The following LUZP2 variants were observed in gnomAD, a reference collection of about 807,000 sequenced individuals.
LUZP2 encodes leucine zipper protein 2.
In LUZP2, 52 loss-of-function variants were observed where a neutral mutation model predicts 51.6. The observed-to-expected ratio is 1.01, with a 90% CI of 0.81 to 1.27. LUZP2 has a LOEUF of 1.27. Ranked by LOEUF, LUZP2 falls within the 50% of genes most tolerant of loss-of-function variation. The probability of loss-of-function intolerance (pLI) is 0.00; values close to 1 mark genes in which losing one functional copy is unlikely to be tolerated. For missense variants in LUZP2, 436 were observed against 395.4 expected, an observed-to-expected ratio of 1.10 and a Z score of -0.87; for synonymous variants, 154 against 137.3, an observed-to-expected ratio of 1.12 and a Z score of -0.85.
At chr11:24,675,649 G>A (rs909391604) in intron 1 of LUZP2, among the ~76,000 whole-genome samples, 1 of 151,952 alleles carries the variant, frequency 6.6e-6, no homozygotes, top group Admixed American at 6.6e-5. Context: ...ATACTCTAGT[G>A]AACATCAGTG....
At chr11:24,559,426 A>T (rs1851966568) in intron 1 of LUZP2, among the ~76,000 whole-genome samples, 1 of 152,200 alleles carries the variant, frequency 6.6e-6, no homozygotes, top group South Asian at 2.1e-4. Context: ...ACAACTGTAG[A>T]TCTAGGGAGT....
intron 1 of LUZP2, among the ~76,000 whole-genome samples, chr11:24,669,513 G>A (rs12576065): frequency 0.19 from 28,206 of 151,930 alleles, 2,705 homozygotes; most frequent in East Asian, 0.3. Flanking sequence ...TAAACCATTA[G>A]AGGAAACTGC....
intron 5 of LUZP2, among the ~76,000 whole-genome samples, chr11:24,900,310 T>G (rs1003682367): frequency 3.3e-5 from 5 of 152,176 alleles, no homozygotes; most frequent in Admixed American, 6.5e-5. Context: ...GGGTTTTTAT[T>G]AAATATCTTA....
chr11:24,655,015 C>T (rs1229285308), intron 1 of LUZP2, among the ~76,000 whole-genome samples: 3 of 151,866 alleles, frequency 2.0e-5, no homozygotes, highest in Admixed American at 1.3e-4. Flanking sequence ...AAATCTAGGC[C>T]GTACATAATC....
At chr11:24,915,516 A>C (rs539793859) in intron 7 of LUZP2, among the ~76,000 whole-genome samples, 112 of 152,292 alleles carry the variant, frequency 7.4e-4, no homozygotes, top group African/African-American at 2.5e-3. Flanking sequence ...TAGGTTATGC[A>C]TCCATGCAAA....
intron 9 of LUZP2, among the ~76,000 whole-genome samples, chr11:25,000,005 G>A (rs554191019): frequency 2.0e-4 from 24 of 117,308 alleles, no homozygotes; most frequent in African/African-American, 4.9e-4. Context: ...ATTTGGCCCC[G>A]CCCATATCCT....
intron 10 of LUZP2, among the ~76,000 whole-genome samples, chr11:25,050,943 T>C (rs1858491647): frequency 6.6e-6 from 1 of 152,180 alleles, no homozygotes. Context: ...TGGAATTTTA[T>C]TTTTTTGAAC....
In LUZP2 at chr11:24,790,679, T is replaced by C. The variant is rs535970293; in HGVS notation, c.396+27371T>C. 8.8e-4 allele frequency among the ~76,000 whole-genome samples: 134 copies of C among 152,176 alleles called. No homozygotes were observed. In the East Asian group the frequency reaches 9.5e-3, roughly 11 times the overall value. Reference sequence around the variant, plus strand: ...ACCACGCCCAGCTAATTTTTGTATTTTTAGTAGAGTCGGGGTTTCACCGTG... The same window carrying C: ...ACCACGCCCAGCTAATTTTTGTATTCTTAGTAGAGTCGGGGTTTCACCGTG... On this transcript the variant is annotated intron_variant, in intron 5 of 11. Coordinates refer to ENST00000336930, the MANE Select transcript of LUZP2 (RefSeq NM_001009909.4).
At chr11:24,677,023 C>T (rs1856580312) in intron 1 of LUZP2, among the ~76,000 whole-genome samples, 1 of 152,056 alleles carries the variant, frequency 6.6e-6, no homozygotes, top group Non-Finnish European at 1.5e-5. Context: ...TAAATAATAA[C>T]ATTAAAAAAT....
intron 9 of LUZP2, among the ~76,000 whole-genome samples, chr11:24,990,446 T>G (rs1401605078): frequency 1.3e-5 from 2 of 152,082 alleles, no homozygotes; most frequent in Non-Finnish European, 2.9e-5. Flanking sequence ...CATAATCTTG[T>G]CTCACTGATG....
intron 1 of LUZP2, among the ~76,000 whole-genome samples, chr11:24,699,480 T>C (rs1036786089): frequency 6.6e-5 from 10 of 152,012 alleles, no homozygotes; most frequent in African/African-American, 2.4e-4. Flanking sequence ...GGTAGAAAAA[T>C]GAATATATCA....
At chr11:24,853,085 A>G (rs537834105) in intron 5 of LUZP2, among the ~76,000 whole-genome samples, 1 of 152,224 alleles carries the variant, frequency 6.6e-6, no homozygotes, top group African/African-American at 2.4e-5. Flanking sequence ...TAAGGTTGAT[A>G]TTGTTATGTG....
intron 5 of LUZP2, among the ~76,000 whole-genome samples, chr11:24,829,372 T>C (rs887656785): frequency 6.6e-6 from 1 of 152,104 alleles, no homozygotes; most frequent in African/African-American, 2.4e-5. Flanking sequence ...TCCCCCACAG[T>C]GCACACACAC....
At chr11:24,984,377 T>C (rs1311071501) in intron 9 of LUZP2, among the ~76,000 whole-genome samples, 1 of 151,044 alleles carries the variant, frequency 6.6e-6, no homozygotes, top group African/African-American at 2.4e-5. Context: ...TGTTTTTATG[T>C]GTAACTAGTC....
At chr11:24,932,724 C>T (rs918562842) in intron 7 of LUZP2, among the ~76,000 whole-genome samples, 1 of 152,178 alleles carries the variant, frequency 6.6e-6, no homozygotes, top group African/African-American at 2.4e-5. Context: ...AGGCTACTGG[C>T]CTCCCCACTG....
chr11:24,711,639 G>C (rs1322329423), intron 1 of LUZP2, among the ~76,000 whole-genome samples: 1 of 151,942 alleles, frequency 6.6e-6, no homozygotes, highest in East Asian at 1.9e-4. Flanking sequence ...TCCCTTTTCA[G>C]TTACTATTTA....
In LUZP2 at chr11:24,732,420, C is replaced by T. The variant is rs555669076; in HGVS notation, c.251+232C>T. On this transcript the variant is annotated intron_variant, in intron 3 of 11. Transcript: ENST00000336930. ...CTCTTTGGTGATGGTGGTGCTGATG[C>T]TTTTTGTCTGCAAATAACAATTTGA... Among the ~76,000 whole-genome samples the T allele has an allele frequency of 3.0e-4, 46 of 151,746 alleles. No homozygotes were observed. In the South Asian group the frequency reaches 8.5e-3, roughly 28 times the overall value.
intron 1 of LUZP2, among the ~76,000 whole-genome samples, chr11:24,498,732 ATTC>A (rs1207342250): frequency 1.3e-5 from 2 of 152,220 alleles, no homozygotes; most frequent in East Asian, 1.9e-4. Context: ...CATCACAGTT[ATTC>A]TTTAAATTCT....
chr11:24,692,801 G>C (rs926638649), intron 1 of LUZP2, among the ~76,000 whole-genome samples: 1 of 151,894 alleles, frequency 6.6e-6, no homozygotes, highest in African/African-American at 2.4e-5. Context: ...TAATTTAGGA[G>C]AATATTAAAT....
Sources: gnomAD v4.1 joint callset for allele counts (sites outside exome capture counted in the v4.1 genomes callset) on GRCh38, gnomAD v4.1.1 for gene constraint, MANE v1.5 for transcripts, NCBI Gene and HGNC (gene_info 2026-07-23, HGNC 2026-07-21) for gene names.